Variants in SH3RF1 observed in about 807,000 individuals in gnomAD.
SH3RF1 encodes E3 ubiquitin-protein ligase SH3RF1.
Under a neutral mutation model 74.0 loss-of-function variants are expected in SH3RF1, and 32 were observed. That is an observed-to-expected ratio of 0.43 (90% CI 0.33 to 0.58). The LOEUF (loss-of-function observed/expected upper bound fraction) is 0.58, where lower values mean the gene tolerates loss of function less well. Ranked by LOEUF, SH3RF1 falls within the 20% of genes least tolerant of loss-of-function variation. SH3RF1 has a pLI of 0.05. For synonymous variants in SH3RF1, 396 were observed against 439.6 expected (o/e 0.90, Z 1.24); for missense variants, 954 against 1,130.9 (o/e 0.84, Z 2.24).
rs900149149 is a variant in SH3RF1, at chr4:169,103,069, C to T, written c.2498+3778G>A. 4.7e-5 allele frequency among the ~76,000 whole-genome samples: 7 copies of T among 149,168 alleles called. No individual in the cohort carries two copies. The Middle Eastern group carries it at 0.011, about 225-fold the overall frequency. On this transcript the variant is annotated intron_variant, in intron 11 of 11. Coordinates refer to ENST00000284637, the MANE Select transcript of SH3RF1 (RefSeq NM_020870.4). Reference sequence around the variant, plus strand: ...CCGAGTAGCTGGGATTACAGGTGCCCGCCACCGCGCCTGGCTATTTTTTTT... The same window carrying T: ...CCGAGTAGCTGGGATTACAGGTGCCTGCCACCGCGCCTGGCTATTTTTTTT...
chr4:169,261,358 A>T (rs1036550006), intron 2 of SH3RF1, among the ~76,000 whole-genome samples: 1 of 152,212 alleles, frequency 6.6e-6, no homozygotes, highest in Non-Finnish European at 1.5e-5. Flanking sequence ...GTGAGGAAAG[A>T]ATAACCTCTG....
chr4:169,205,667 C>T (rs1262812887), intron 2 of SH3RF1, among the ~76,000 whole-genome samples: 1 of 152,054 alleles, frequency 6.6e-6, no homozygotes, highest in Non-Finnish European at 1.5e-5. Context: ...TGGAAGGAGC[C>T]CAATGAATGA....
intron 2 of SH3RF1, among the ~76,000 whole-genome samples, chr4:169,161,779 C>G (rs891288133): frequency 1.3e-5 from 2 of 152,192 alleles, no homozygotes; most frequent in African/African-American, 4.8e-5. Context: ...TTTAACTTGA[C>G]TTTCAGAAAC....
intron 2 of SH3RF1, among the ~76,000 whole-genome samples, chr4:169,191,716 T>G (rs1280794239): frequency 6.6e-6 from 1 of 152,006 alleles, no homozygotes; most frequent in Non-Finnish European, 1.5e-5. Flanking sequence ...TGGAACAGAA[T>G]AGAGAACCCA....
chr4:169,116,515 T>C lies in SH3RF1; in HGVS notation c.1893A>G (p.Pro631=), dbSNP rs1201802266. 1.2e-6 allele frequency: 2 copies of C among 1,613,252 alleles called. No homozygotes were observed. The highest frequency in any genetic ancestry group is 1.7e-5 in the Admixed American group (1 of 59,962). The part of the protein sequence containing the change: ...VGLSHHSLAS[P]QPAPLMPGSA... ...AGCCTGGCATCAGAGGCGCAGGTTG[T>C]GGGGAGGCCAGCGAGTGATGGGACA... The change falls in exon 10 of 12, where the codon CCA becomes CCG. Residue 631 remains proline, a synonymous_variant. Transcript: ENST00000284637.
intron 5 of SH3RF1, among the ~76,000 whole-genome samples, chr4:169,135,515 A>C (rs933749046): frequency 6.6e-6 from 1 of 152,186 alleles, no homozygotes; most frequent in Non-Finnish European, 1.5e-5. Context: ...TACAGCCATC[A>C]CCTAAGTGGA....
At position 169,096,684 on chromosome 4, in the gene SH3RF1, G is replaced by A; in HGVS notation, c.2502C>T (p.His834=). Residue 834 remains histidine, a synonymous_variant, in exon 12 of 12, where the codon CAC becomes CAT. Coordinates refer to ENST00000284637, the MANE Select transcript of SH3RF1 (RefSeq NM_020870.4). ...GAGGAGGATAGGAAACCACCACCCT[G>A]TGCCTAGAAAAGAAAGAGATTTTGG... is the stretch of plus-strand genomic sequence containing the variant. ...NESRPVVCER[H]RVVVSYPPQS... The A allele has an allele frequency of 6.2e-7, 1 of 1,606,680 alleles. No homozygotes were observed. Among genetic ancestry groups the A allele is most frequent in the Non-Finnish European group, 8.5e-7 (1 of 1,177,888 alleles).
intron 2 of SH3RF1, among the ~76,000 whole-genome samples, chr4:169,225,493 A>G (rs1403917852): frequency 6.6e-6 from 1 of 152,238 alleles, no homozygotes; most frequent in Non-Finnish European, 1.5e-5. Flanking sequence ...AGTCATTTCA[A>G]GAATCATGCT....
intron 2 of SH3RF1, among the ~76,000 whole-genome samples, chr4:169,229,236 G>A (rs997361208): frequency 1.3e-5 from 2 of 152,018 alleles, no homozygotes; most frequent in Non-Finnish European, 2.9e-5. Flanking sequence ...GACTTACCTA[G>A]AATAATTAAC....
intron 2 of SH3RF1, among the ~76,000 whole-genome samples, chr4:169,263,619 C>G (rs1731312593): frequency 6.6e-6 from 1 of 152,162 alleles, no homozygotes; most frequent in Non-Finnish European, 1.5e-5. Context: ...GGAATAAAGC[C>G]TAGAATGCCT....
intron 2 of SH3RF1, among the ~76,000 whole-genome samples, chr4:169,259,462 T>C (rs1422993358): frequency 6.6e-6 from 1 of 152,196 alleles, no homozygotes; most frequent in Non-Finnish European, 1.5e-5. Flanking sequence ...GCCACCCATA[T>C]GTCACCATTC....
intron 2 of SH3RF1, chr4:169,166,699 C>T: frequency 4.8e-6 from 1 of 209,944 alleles, no homozygotes; most frequent in Non-Finnish European, 9.7e-6. Context: ...GCCAGCATCA[C>T]CCCAGGGACC....
intron 11 of SH3RF1, among the ~76,000 whole-genome samples, chr4:169,099,251 G>A (rs1323618122): frequency 2.6e-5 from 4 of 152,080 alleles, no homozygotes; most frequent in African/African-American, 9.7e-5. Context: ...ACCAAACCTG[G>A]TTAATCTTTT....
At chr4:169,239,932 G>C (rs1409790011) in intron 2 of SH3RF1, among the ~76,000 whole-genome samples, 2 of 152,108 alleles carry the variant, frequency 1.3e-5, no homozygotes, top group Non-Finnish European at 2.9e-5. Context: ...GCTGAGGCAG[G>C]AGAATCTCTT....
At position 169,123,883 on chromosome 4, in the gene SH3RF1, C is replaced by T. The variant is rs185996168; in HGVS notation, c.1180-1617G>A. ...CTCCAACCTGGGTGACAGAGCAAGA[C>T]TCCGTCTCAAAAAAAAAAAAAATTG... On this transcript the variant is annotated intron_variant, in intron 6 of 11. Transcript: ENST00000284637. Among the ~76,000 whole-genome samples the T allele has an allele frequency of 1.2e-3, 174 of 150,998 alleles. 1 individual carries two copies. The highest frequency in any genetic ancestry group is 4.2e-3 in the African/African-American group (170 of 40,884).
intron 1 of SH3RF1, 120 bp downstream of exon 1, chr4:169,270,739 G>C (rs1270067473): frequency 2.0e-5 from 3 of 152,316 alleles, no homozygotes; most frequent in Non-Finnish European, 2.9e-5. Context: ...CCGAGGGCGA[G>C]GGGAGAGAGA....
At chr4:169,173,020 C>T (rs1022244759) in intron 2 of SH3RF1, among the ~76,000 whole-genome samples, 3 of 152,152 alleles carry the variant, frequency 2.0e-5, no homozygotes, top group Admixed American at 6.5e-5. Context: ...AATTCTAATA[C>T]ACTTGCTATA....
intron 2 of SH3RF1, among the ~76,000 whole-genome samples, chr4:169,172,354 C>T (rs903225231): frequency 1.3e-5 from 2 of 152,174 alleles, no homozygotes; most frequent in East Asian, 1.9e-4. Flanking sequence ...AGAATATGCC[C>T]GTACATGGAT....
intron 2 of SH3RF1, among the ~76,000 whole-genome samples, chr4:169,181,046 A>T (rs1004945969): frequency 6.6e-6 from 1 of 152,116 alleles, no homozygotes; most frequent in Non-Finnish European, 1.5e-5. Context: ...ATGAAATCTG[A>T]AATGTAGCCT....
Sources: allele counts gnomAD v4.1 joint callset (sites outside exome capture counted in the v4.1 genomes callset), GRCh38; gene constraint gnomAD v4.1.1; transcripts MANE v1.5; gene names NCBI Gene and HGNC (gene_info 2026-07-23, HGNC 2026-07-21).